RBM19: variants seen among roughly 807,000 people sequenced by gnomAD.
The protein encoded by RBM19 is probable RNA-binding protein 19.
In RBM19, 94 loss-of-function variants were observed where a neutral mutation model predicts 116.8. That is an observed-to-expected ratio of 0.80 (90% CI 0.68 to 0.95). The LOEUF is 0.95. RBM19 is among the 40% of genes least tolerant of loss of function. The pLI is 0.00. For missense variants in RBM19, 1,161 were observed against 1,220.7 expected (o/e 0.95, Z 0.73); for synonymous variants, 475 against 494.1 (o/e 0.96, Z 0.51).
intron 6 of RBM19, among the ~76,000 whole-genome samples, chr12:113,956,182 G>A (rs1871922748): frequency 6.6e-6 from 1 of 152,126 alleles, no homozygotes; most frequent in South Asian, 2.1e-4. Flanking sequence ...GGAAGAAAAG[G>A]ACAGAGTGCA....
chr12:113,904,194 A>C (rs1881895461), intron 21 of RBM19, among the ~76,000 whole-genome samples: 1 of 152,108 alleles, frequency 6.6e-6, no homozygotes, highest in African/African-American at 2.4e-5. Context: ...AGCTCCCAAT[A>C]AGCACGTGGT....
chr12:113,924,999 G>A (rs953013586), intron 17 of RBM19, among the ~76,000 whole-genome samples: 1 of 152,182 alleles, frequency 6.6e-6, no homozygotes, highest in Admixed American at 6.5e-5. Context: ...ACAGAACAGC[G>A]AGAGACTGAC....
intron 10 of RBM19, 116 bp from the exon 11 acceptor site, chr12:113,947,580 T>C: frequency 8.7e-7 from 1 of 1,144,492 alleles, no homozygotes; most frequent in Non-Finnish European, 1.2e-6. Flanking sequence ...CATTTCCCAG[T>C]CCCCTACGTG....
At chr12:113,945,807 G>C in intron 13 of RBM19, 21 bp downstream of exon 13, 1 of 1,518,686 alleles carries the variant, frequency 6.6e-7, no homozygotes, top group East Asian at 2.3e-5. Context: ...TCCCAGAGAG[G>C]ACTGGTCGGC....
At chr12:113,858,966 T>C (rs1390627268) in intron 21 of RBM19, 70 bp from the exon 22 acceptor site, 4 of 1,359,762 alleles carry the variant, frequency 2.9e-6, no homozygotes, top group Non-Finnish European at 3.1e-6. Context: ...AAGGCAGGAC[T>C]GATTCTCACA....
At chr12:113,855,279 T>C (rs547909060) in intron 22 of RBM19, among the ~76,000 whole-genome samples, 1 of 149,492 alleles carries the variant, frequency 6.7e-6, no homozygotes, top group Admixed American at 6.7e-5. Context: ...AGAACACTGT[T>C]CTGGGAGTTG....
At chr12:113,876,680 A>G (rs566687928) in intron 21 of RBM19, among the ~76,000 whole-genome samples, 7 of 152,174 alleles carry the variant, frequency 4.6e-5, no homozygotes, top group African/African-American at 1.7e-4. Flanking sequence ...GTTCCCAGAT[A>G]CCGTAGGGGC....
chr12:113,818,452 G>A (rs1874200248), downstream of RBM19, among the ~76,000 whole-genome samples: 1 of 152,164 alleles, frequency 6.6e-6, no homozygotes, highest in South Asian at 2.1e-4. Context: ...CCCCAACATG[G>A]CGCAGCGCCC....
chr12:113,918,535 C>T (rs1593583864), intron 19 of RBM19, 88 bp from the exon 20 acceptor site: 35 of 1,394,836 alleles, frequency 2.5e-5, no homozygotes, highest in Middle Eastern at 2.1e-4. Flanking sequence ...AGCCCTGGCT[C>T]GCAGATGGGA....
chr12:113,835,362 C>T (rs1295020256), intron 23 of RBM19, among the ~76,000 whole-genome samples: 1 of 152,168 alleles, frequency 6.6e-6, no homozygotes, highest in Non-Finnish European at 1.5e-5. Context: ...GCCTTGTACC[C>T]CCGCAAAGGA....
intron 16 of RBM19, among the ~76,000 whole-genome samples, chr12:113,932,244 C>T (rs1034176788): frequency 1.3e-5 from 2 of 152,200 alleles, no homozygotes; most frequent in African/African-American, 4.8e-5. Flanking sequence ...GGCTGGCCAT[C>T]ATGGTGCCTA....
rs143174709 is a variant in RBM19 at position 113,894,095 on chromosome 12, T to C, written c.2558+20874A>G. Among the ~76,000 whole-genome samples the C allele has an allele frequency of 3.8e-3, 578 of 152,184 alleles. 3 individuals carry two copies. Among genetic ancestry groups the C allele is most frequent in the African/African-American group, 0.013 (542 of 41,552 alleles). On this transcript the variant is annotated intron_variant, in intron 21 of 23. Coordinates refer to ENST00000261741, the MANE Select transcript of RBM19 (RefSeq NM_016196.4). ...TTTTCTACCTCTTTCTCTCCACTTA[T>C]GAGTTAGGCCAAGATGTCTCAAGAC...
At chr12:113,944,015 C>G (rs890870924) in intron 13 of RBM19, among the ~76,000 whole-genome samples, 1 of 150,912 alleles carries the variant, frequency 6.6e-6, no homozygotes, top group Non-Finnish European at 1.5e-5. Flanking sequence ...AAGGAGCTTA[C>G]GAGCCAAATC....
chr12:113,909,468 C>G (rs1882292144), intron 21 of RBM19, among the ~76,000 whole-genome samples: 1 of 152,180 alleles, frequency 6.6e-6, no homozygotes, highest in African/African-American at 2.4e-5. Context: ...CAAGGAAAAG[C>G]TAATTGCCCA....
intron 21 of RBM19, among the ~76,000 whole-genome samples, chr12:113,907,475 T>C (rs1039719482): frequency 2.6e-5 from 4 of 152,180 alleles, no homozygotes; most frequent in African/African-American, 9.7e-5. Flanking sequence ...ACTGAAGGAA[T>C]GAAAGCACGC....
At chr12:113,946,839 A>G (rs928789552) in intron 11 of RBM19, among the ~76,000 whole-genome samples, 3 of 152,264 alleles carry the variant, frequency 2.0e-5, no homozygotes, top group Admixed American at 6.5e-5. Context: ...CAAGGGGATC[A>G]AGAAATCATG....
chr12:113,830,991 G>GA (rs2135692327), intron 23 of RBM19, among the ~76,000 whole-genome samples: 1 of 152,296 alleles, frequency 6.6e-6, no homozygotes, highest in East Asian at 1.9e-4. Flanking sequence ...GGGGTCGGGG[G>GA]AGACTACAGG....
At chr12:113,918,550 G>T in intron 19 of RBM19, 103 bp from the exon 20 acceptor site, 2 of 1,285,464 alleles carry the variant, frequency 1.6e-6, no homozygotes, top group South Asian at 1.2e-5. Flanking sequence ...ATGGGAGCCT[G>T]ATTGTTCCCC....
At chr12:113,918,254 A>T in intron 20 of RBM19, 138 bp downstream of exon 20, 1 of 822,420 alleles carries the variant, frequency 1.2e-6, no homozygotes. Context: ...TAGGCATCTT[A>T]ATTAGGAAGA....
Sources: gnomAD v4.1 joint callset for allele counts (sites outside exome capture counted in the v4.1 genomes callset) on GRCh38, gnomAD v4.1.1 for gene constraint, MANE v1.5 for transcripts, NCBI Gene and HGNC (gene_info 2026-07-23, HGNC 2026-07-21) for gene names.